TP73: variants seen among roughly 807,000 people sequenced by gnomAD.
TP73 encodes the protein tumor protein p73.
TP73 carries 25 observed loss-of-function variants against 62.5 expected under a neutral mutation model. That is an observed-to-expected ratio of 0.40 (90% CI 0.29 to 0.56). The LOEUF is 0.56. TP73 is among the 20% of genes least tolerant of loss of function. TP73 has a pLI of 0.46. For synonymous variants in TP73, 423 were observed against 377.5 expected, an observed-to-expected ratio of 1.12 and a Z score of -1.40; for missense variants, 754 against 913.3, an observed-to-expected ratio of 0.83 and a Z score of 2.25.
At chr1:3,679,105 C>A (rs767302865) in intron 1 of TP73, among the ~76,000 whole-genome samples, 1 of 152,174 alleles carries the variant, frequency 6.6e-6, no homozygotes, top group South Asian at 2.1e-4. Flanking sequence ...CAGTGGGTGC[C>A]GGTCAGGGGA....
chr1:3,722,934 GCATGGGGCTGGA>G (rs1641204994), intron 5 of TP73, among the ~76,000 whole-genome samples: 1 of 138,468 alleles, frequency 7.2e-6, no homozygotes, highest in African/African-American at 2.8e-5. Context: ...TCTGCACCTG[GCATGGGGCTGGA>G]CACCTCTCTG....
At chr1:3,689,742 G>A (rs942626771) in intron 3 of TP73, among the ~76,000 whole-genome samples, 6 of 152,138 alleles carry the variant, frequency 3.9e-5, no homozygotes, top group South Asian at 2.1e-4. Context: ...AAGGGTCTCC[G>A]CATGGATTTC....
intron 3 of TP73, among the ~76,000 whole-genome samples, chr1:3,698,854 G>C (rs1018445813): frequency 2.0e-5 from 3 of 152,188 alleles, no homozygotes; most frequent in Non-Finnish European, 4.4e-5. Flanking sequence ...TGCTGCAGAC[G>C]GGCTCAGCCG....
At chr1:3,690,944 G>T (rs755077036) in intron 3 of TP73, 2 of 1,578,938 alleles carry the variant, frequency 1.3e-6, no homozygotes, top group Non-Finnish European at 1.7e-6. Context: ...ACCTCGCCAC[G>T]GTAGGTGTGA....
rs1336457104 is a variant in TP73, at chr1:3,735,510, AG to A, written c.*2432del. 1.3e-5 allele frequency: 2 copies of A among 152,228 alleles called. No individual in the cohort carries two copies. Among genetic ancestry groups the A allele is most frequent in the African/African-American group, 4.8e-5 (2 of 41,460 alleles). The allele number at this position is 152,228 out of a possible 1,614,324, so 9.4% of individuals were successfully genotyped here. ...TGGCCCCAGCTGCACCTGTCTAGGG[AG>A]CCCATGCAGCCTCCTTGCACTGGAG... On this transcript the variant is annotated 3_prime_UTR_variant, in exon 14 of 14. Transcript: ENST00000378295.
At position 3,727,628 on chromosome 1, in the gene TP73, T is replaced by C. The variant is rs367794295; in HGVS notation, c.843T>C (p.Asp281=). 5.0e-6 allele frequency: 8 copies of C among 1,597,636 alleles called. No homozygotes were observed. Among genetic ancestry groups the C allele is most frequent in the Middle Eastern group, 1.6e-4 (1 of 6,062 alleles). ...ILIIITLEMR[D]GQVLGRRSFE... ...AATTCTGGCTGTGCCCACCCGACAG[T>C]GGGCAGGTGCTGGGCCGCCGGTCCT... Residue 281 remains aspartate, a splice_region_variant and synonymous_variant, in exon 8 of 14, where the codon GAT becomes GAC. Coordinates refer to ENST00000378295, the MANE Select transcript of TP73 (RefSeq NM_005427.4).
intron 1 of TP73, among the ~76,000 whole-genome samples, chr1:3,679,606 T>C (rs1189376415): frequency 6.6e-6 from 1 of 151,820 alleles, no homozygotes; most frequent in Admixed American, 6.6e-5. Flanking sequence ...TCCTTGTCTC[T>C]CTGTTTTGTC....
At chr1:3,684,739 C>T (rs1003089515) in intron 3 of TP73, among the ~76,000 whole-genome samples, 19 of 152,196 alleles carry the variant, frequency 1.2e-4, no homozygotes, top group East Asian at 1.9e-4. Context: ...TCTGAGGGTT[C>T]GACCGCCTGC....
At chr1:3,677,376 G>A (rs575956263) in intron 1 of TP73, among the ~76,000 whole-genome samples, 2 of 152,160 alleles carry the variant, frequency 1.3e-5, no homozygotes, top group East Asian at 3.9e-4. Flanking sequence ...CACCTTTCCA[G>A]CCTGGCAAAG....
At chr1:3,690,088 G>C (rs904882720) in intron 3 of TP73, among the ~76,000 whole-genome samples, 1 of 152,138 alleles carries the variant, frequency 6.6e-6, no homozygotes, top group Non-Finnish European at 1.5e-5. Flanking sequence ...ACAGTGGCTT[G>C]TCCCTGTTTC....
At chr1:3,668,874 G>A (rs558156924) in intron 1 of TP73, 28 of 152,628 alleles carry the variant, frequency 1.8e-4, no homozygotes, top group South Asian at 1.2e-3. Context: ...CCTGTCAGTC[G>A]CCTTGAGGAG....
intron 3 of TP73, among the ~76,000 whole-genome samples, chr1:3,706,849 AAC>A (rs929582282): frequency 2.0e-4 from 31 of 152,002 alleles, no homozygotes; most frequent in African/African-American, 7.3e-4. Flanking sequence ...GTAGGGGCCT[AAC>A]GAGAGAACCC....
At chr1:3,681,950 G>C (rs964502329) in intron 1 of TP73, among the ~76,000 whole-genome samples, 2 of 151,860 alleles carry the variant, frequency 1.3e-5, no homozygotes, top group African/African-American at 4.8e-5. Flanking sequence ...GGCCTCACAC[G>C]CTTGTCCCGG....
chr1:3,684,478 CTG>C (rs1444700323), intron 3 of TP73, among the ~76,000 whole-genome samples: 1 of 152,214 alleles, frequency 6.6e-6, no homozygotes, highest in African/African-American at 2.4e-5. Flanking sequence ...GCACGACTGA[CTG>C]TCTGAGGCAT....
chr1:3,675,781 G>A (rs1056281577), intron 1 of TP73, among the ~76,000 whole-genome samples: 1 of 152,180 alleles, frequency 6.6e-6, no homozygotes. Flanking sequence ...TGGTTGTGGA[G>A]CCCTGTCTGC....
intron 1 of TP73, among the ~76,000 whole-genome samples, chr1:3,658,045 G>A (rs1240400221): frequency 1.3e-5 from 2 of 152,240 alleles, no homozygotes; most frequent in Non-Finnish European, 2.9e-5. Flanking sequence ...TCAGGGAGTT[G>A]GACAGAGAGG....
intron 1 of TP73, among the ~76,000 whole-genome samples, chr1:3,667,273 G>A (rs968524497): frequency 6.6e-6 from 1 of 152,230 alleles, no homozygotes. Flanking sequence ...GAAGCAGCCA[G>A]CCCTGCCCGC....
At chr1:3,713,577 T>C (rs1263557361) in intron 4 of TP73, among the ~76,000 whole-genome samples, 1 of 152,178 alleles carries the variant, frequency 6.6e-6, no homozygotes, top group Non-Finnish European at 1.5e-5. Flanking sequence ...TGGTCACTTC[T>C]GGGATTTTCT....
chr1:3,679,082 G>A (rs1315132339), intron 1 of TP73, among the ~76,000 whole-genome samples: 2 of 152,216 alleles, frequency 1.3e-5, no homozygotes, highest in East Asian at 3.8e-4. Context: ...CCAAGCTGGT[G>A]TCCTGCAGTG....
Sources: allele counts gnomAD v4.1 joint callset (sites outside exome capture counted in the v4.1 genomes callset), GRCh38; gene constraint gnomAD v4.1.1; transcripts MANE v1.5; gene names NCBI Gene and HGNC (gene_info 2026-07-23, HGNC 2026-07-21).